The following SERINC3 variants were observed in gnomAD, a reference collection of about 807,000 sequenced individuals.
The protein encoded by SERINC3 is serine incorporator 3.
In SERINC3, 22 loss-of-function variants were observed where a neutral mutation model predicts 52.1. The observed-to-expected ratio is 0.42, with a 90% CI of 0.30 to 0.60. SERINC3 has a LOEUF of 0.60. SERINC3 is among the 20% of genes least tolerant of loss of function. SERINC3 has a pLI of 0.16. For synonymous variants in SERINC3, 226 were observed against 212.7 expected (o/e 1.06, Z -0.54); for missense variants, 564 against 584.6 (o/e 0.96, Z 0.36).
In SERINC3 at chr20:44,522,042, G is replaced by T; in HGVS notation, c.-91C>A. On this transcript the variant is annotated 5_prime_UTR_variant, in exon 1 of 10. Transcript: ENST00000342374. ...TGAGGTGACTCCCCAGAAACATGAC[G>T]GTTTCTCAGGCCGGAAACGCAGCCT... The T allele has an allele frequency of 7.5e-7, 1 of 1,341,280 alleles. No homozygotes were observed. The highest frequency in any genetic ancestry group is 1.0e-6 in the Non-Finnish European group (1 of 961,104). The allele number at this position is 1,341,280 out of a possible 1,614,324, so 83.1% of individuals were successfully genotyped here. A position where few individuals can be genotyped will look rare whatever the true frequency, so the allele number is the denominator to read the frequency against.
rs2064265744 is a variant in SERINC3 at position 44,499,339 on chromosome 20, A to C, written c.*957T>G. On this transcript the variant is annotated 3_prime_UTR_variant, in exon 10 of 10. Transcript: ENST00000342374. Reference sequence around the variant, plus strand: ...GTATTTAGGACTTTTGAATAAATTCAAGACTTTGCTCACTAGTCAGACCGT... The same window carrying C: ...GTATTTAGGACTTTTGAATAAATTCCAGACTTTGCTCACTAGTCAGACCGT... 1.3e-5 allele frequency: 2 copies of C among 152,370 alleles called. No homozygotes were observed. Among genetic ancestry groups the C allele is most frequent in the Non-Finnish European group, 2.9e-5 (2 of 68,034 alleles). 9.4% of individuals were successfully genotyped at this position (152,370 alleles called of 1,614,324 possible).
intron 9 of SERINC3, 115 bp from the exon 10 acceptor site, chr20:44,500,549 ACC>A: frequency 8.6e-7 from 1 of 1,166,042 alleles, no homozygotes; most frequent in Non-Finnish European, 1.2e-6. Flanking sequence ...GGCTGGCACT[ACC>A]CCCCAGTAGG....
intron 2 of SERINC3, among the ~76,000 whole-genome samples, chr20:44,513,421 G>A (rs2123061028): frequency 6.6e-6 from 1 of 152,256 alleles, no homozygotes; most frequent in African/African-American, 2.4e-5. Context: ...GGGAGGCGGA[G>A]GTTGCAGTGA....
At chr20:44,501,511 T>C (rs747775350) in intron 8 of SERINC3, among the ~76,000 whole-genome samples, 6 of 152,252 alleles carry the variant, frequency 3.9e-5, no homozygotes, top group Non-Finnish European at 7.3e-5. Flanking sequence ...GATGGCTTAA[T>C]TGCTTAGGAG....
intron 5 of SERINC3, 100 bp downstream of exon 5, chr20:44,509,791 T>C (rs562189164): frequency 1.5e-6 from 2 of 1,305,756 alleles, no homozygotes; most frequent in South Asian, 2.6e-5. Flanking sequence ...TGGACTTCTG[T>C]CCCTGAGGAC....
intron 1 of SERINC3, chr20:44,519,502 A>G (rs1260689507): frequency 3.1e-6 from 1 of 325,888 alleles, no homozygotes; most frequent in Non-Finnish European, 4.4e-6. Flanking sequence ...CAGATCACAG[A>G]TCAACTATGT....
intron 1 of SERINC3, among the ~76,000 whole-genome samples, chr20:44,520,844 A>G (rs2064412070): frequency 6.6e-6 from 1 of 152,208 alleles, no homozygotes; most frequent in Non-Finnish European, 1.5e-5. Context: ...AATTAATCAA[A>G]GCCAAGGAGG....
intron 7 of SERINC3, 65 bp from the exon 8 acceptor site, chr20:44,504,060 G>C (rs2064296636): frequency 7.4e-7 from 1 of 1,357,814 alleles, no homozygotes; most frequent in Non-Finnish European, 1.0e-6. Flanking sequence ...AAGAACTTGA[G>C]GAGTTCCCTA....
intron 1 of SERINC3, among the ~76,000 whole-genome samples, chr20:44,518,374 C>A (rs1385543101): frequency 1.4e-5 from 2 of 146,338 alleles, no homozygotes; most frequent in African/African-American, 5.0e-5. Context: ...TTATTTTAAG[C>A]TTTTAAGCTG....
In SERINC3 at chr20:44,501,073, C is replaced by G. The variant is rs2064276555; in HGVS notation, c.1283G>C (p.Ser428Thr). The change falls in exon 9 of 10, where the codon AGC (serine) becomes ACC (threonine). Residue 428 changes from serine to threonine, a missense_variant and splice_region_variant. Ser to Thr is a moderately conservative substitution (Grantham distance 58). Coordinates refer to ENST00000342374, the MANE Select transcript of SERINC3 (RefSeq NM_006811.4). ...YIMMTLTSWY[S>T]PDAKFQSMTS... ...TGTCTGTTTTGTCTGTGTCTCCTAC[C>G]TGTACCAGCTGGTCAGGGTCATCAT... is the stretch of plus-strand genomic sequence containing the variant. The G allele has an allele frequency of 6.2e-7, 1 of 1,611,040 alleles. No homozygotes were observed. Among genetic ancestry groups the G allele is most frequent in the Non-Finnish European group, 8.5e-7 (1 of 1,177,376 alleles).
intron 2 of SERINC3, among the ~76,000 whole-genome samples, chr20:44,513,596 C>A (rs535710739): frequency 6.9e-4 from 105 of 152,222 alleles, no homozygotes; most frequent in South Asian, 5.8e-3. Context: ...AAGAACTAGT[C>A]CAGTTTAGAT....
At chr20:44,513,495 T>C (rs2064361030) in intron 2 of SERINC3, among the ~76,000 whole-genome samples, 1 of 152,134 alleles carries the variant, frequency 6.6e-6, no homozygotes, top group South Asian at 2.1e-4. Flanking sequence ...CAAAAAAATA[T>C]GGTCTCTCTT....
At chr20:44,504,985 G>A in intron 6 of SERINC3, 94 bp from the exon 7 acceptor site, 1 of 855,190 alleles carries the variant, frequency 1.2e-6, no homozygotes, top group South Asian at 1.7e-5. Flanking sequence ...TCAACTATCA[G>A]TAACTGAGAA....
At position 44,500,414 on chromosome 20, in the gene SERINC3, C is replaced by G. The variant is rs1001931400; in HGVS notation, c.1304G>C (p.Ser435Thr). ...SWYSPDAKFQ[S>T]MTSKWPAVWV... ...CACAGCTGGCCACTTGCTGGTCATG[C>G]TCTGAAACTTTGCATCAGGGCTAAG... Residue 435 changes from serine (S) to threonine (T), a missense_variant, in exon 10 of 10, where the codon AGC becomes ACC. Transcript: ENST00000342374. The G allele has an allele frequency of 6.4e-7, 1 of 1,574,514 alleles. No individual in the cohort carries two copies. Among genetic ancestry groups the G allele is most frequent in the Non-Finnish European group, 8.6e-7 (1 of 1,159,150 alleles).
At chr20:44,501,711 C>T (rs2064281205) in intron 8 of SERINC3, among the ~76,000 whole-genome samples, 3 of 152,202 alleles carry the variant, frequency 2.0e-5, no homozygotes, top group Non-Finnish European at 2.9e-5. Flanking sequence ...TTACAAGACA[C>T]TCCTCCGACT....
chr20:44,504,776 G>T, intron 7 of SERINC3, 25 bp downstream of exon 7: 1 of 1,538,156 alleles, frequency 6.5e-7, no homozygotes, highest in Non-Finnish European at 8.9e-7. Flanking sequence ...TTTATCAAAT[G>T]AATGTGTTAT....
rs2064301120 is a variant in SERINC3, at chr20:44,504,820, T to C, written c.855A>G (p.Ser285=). 2.5e-6 allele frequency: 4 copies of C among 1,611,382 alleles called. No homozygotes were observed. The African/African-American group carries it at 5.3e-5, about 22-fold the overall frequency. ...ITLYTMYLTW[S]AMSNEPDRSC... is the part of the protein sequence containing the mutation. ...CCTTACCAGGTTCATTGGACATGGCTGACCAGGTGAGGTACATAGTGTAGA... is the reference window on the plus strand; with the variant it reads ...CCTTACCAGGTTCATTGGACATGGCCGACCAGGTGAGGTACATAGTGTAGA... The change falls in exon 7 of 10, where the codon TCA becomes TCG. Residue 285 remains serine, a synonymous_variant. Transcript: ENST00000342374.
intron 5 of SERINC3, among the ~76,000 whole-genome samples, chr20:44,507,861 C>A (rs959922339): frequency 6.6e-6 from 1 of 152,064 alleles, no homozygotes; most frequent in African/African-American, 2.4e-5. Context: ...AGAACAAAAC[C>A]CCATCTCAAA....
chr20:44,521,463 C>T (rs1211567370), intron 1 of SERINC3, among the ~76,000 whole-genome samples: 1 of 152,246 alleles, frequency 6.6e-6, no homozygotes, highest in Non-Finnish European at 1.5e-5. Context: ...AGACAAGCCT[C>T]CGCTAAAACC....
Sources: gnomAD v4.1 joint callset for allele counts (sites outside exome capture counted in the v4.1 genomes callset) on GRCh38, gnomAD v4.1.1 for gene constraint, MANE v1.5 for transcripts, NCBI Gene and HGNC (gene_info 2026-07-23, HGNC 2026-07-21) for gene names.